BCAS3: variants seen among roughly 807,000 people sequenced by gnomAD.
BCAS3 encodes the protein BCAS3 microtubule associated cell migration factor, also known as BCAS4/BCAS3 fusion.
BCAS3 carries 53 observed loss-of-function variants against 116.1 expected under a neutral mutation model. That is an observed-to-expected ratio of 0.46 (90% CI 0.37 to 0.57). BCAS3 has a LOEUF of 0.57. Ranked by LOEUF, BCAS3 falls within the 20% of genes least tolerant of loss-of-function variation. The pLI is 0.00. For synonymous variants in BCAS3, 391 were observed against 408.2 expected, an observed-to-expected ratio of 0.96 and a Z score of 0.51; for missense variants, 917 against 1,165.4, an observed-to-expected ratio of 0.79 and a Z score of 3.10.
intron 22 of BCAS3, among the ~76,000 whole-genome samples, chr17:61,254,322 A>G (rs1008063929): frequency 1.3e-5 from 2 of 152,206 alleles, no homozygotes; most frequent in African/African-American, 4.8e-5. Context: ...CAACTCTGAC[A>G]TGCACATTTC....
chr17:61,153,792 A>G (rs1332151995), intron 22 of BCAS3, among the ~76,000 whole-genome samples: 1 of 152,178 alleles, frequency 6.6e-6, no homozygotes, highest in Non-Finnish European at 1.5e-5. Context: ...TCAGAACTCA[A>G]CAGCAGTCAT....
At chr17:60,876,404 T>C (rs2055610164) in intron 9 of BCAS3, among the ~76,000 whole-genome samples, 1 of 152,066 alleles carries the variant, frequency 6.6e-6, no homozygotes, top group Non-Finnish European at 1.5e-5. Flanking sequence ...ATCCTATATA[T>C]CTTTCTGGGC....
Position 61,271,424 on chromosome 17 carries a change from A to ATTTTTTTTTTTTTT in BCAS3, c.2426-96890_2426-96889insTTTTTTTTTTTTTT, listed in dbSNP as rs71148400. Among the ~76,000 whole-genome samples, 202 of 70,236 alleles carry ATTTTTTTTTTTTTT rather than the reference A, an allele frequency of 2.9e-3. 82 individuals are homozygous for ATTTTTTTTTTTTTT. Among genetic ancestry groups the ATTTTTTTTTTTTTT allele is most frequent in the African/African-American group, 3.9e-3 (69 of 17,750 alleles). 46.1% of individuals were successfully genotyped at this position (70,236 alleles called of 152,430 possible). A position where few individuals can be genotyped will look rare whatever the true frequency, so the allele number is the denominator to read the frequency against. ...TACAGGTGTAAGCCACCATGCCCGG[A>ATTTTTTTTTTTTTT]TTTTTTTTTTTTTGTCTTAGGTGGA... On this transcript the variant is annotated intron_variant, in intron 22 of 23. Transcript: ENST00000407086.
At chr17:61,175,845 T>C (rs2079100566) in intron 22 of BCAS3, among the ~76,000 whole-genome samples, 2 of 151,978 alleles carry the variant, frequency 1.3e-5, no homozygotes. Context: ...AAAAAATAGG[T>C]AAGTTTGAGA....
chr17:60,923,197 G>A (rs182515429), intron 12 of BCAS3, among the ~76,000 whole-genome samples: 31 of 152,274 alleles, frequency 2.0e-4, no homozygotes, highest in African/African-American at 7.2e-4. Context: ...TGAATTGGAG[G>A]TTCTAGCTAG....
chr17:60,701,400 C>G (rs908655425), intron 4 of BCAS3, among the ~76,000 whole-genome samples: 3 of 151,994 alleles, frequency 2.0e-5, no homozygotes, highest in Non-Finnish European at 2.9e-5. Context: ...TTTACAAATC[C>G]AATGCTTATG....
intron 7 of BCAS3, among the ~76,000 whole-genome samples, chr17:60,824,844 A>G (rs2050245294): frequency 6.6e-6 from 1 of 152,192 alleles, no homozygotes; most frequent in Non-Finnish European, 1.5e-5. Context: ...AGGTGGTCAT[A>G]TACACATGCA....
intron 22 of BCAS3, among the ~76,000 whole-genome samples, chr17:61,247,805 G>A (rs2048090360): frequency 1.3e-5 from 2 of 152,156 alleles, no homozygotes; most frequent in Non-Finnish European, 2.9e-5. Context: ...TCTACCATCA[G>A]GCCCCCGCCT....
In BCAS3 at chr17:61,196,994, G is replaced by C. The variant is rs1171592490; in HGVS notation, c.2425+112430G>C. Among the ~76,000 whole-genome samples, 1 of 152,148 alleles carries C rather than the reference G, an allele frequency of 6.6e-6. No homozygotes were observed. The highest frequency in any genetic ancestry group is 1.5e-5 in the Non-Finnish European group (1 of 68,024). ...CTCACTCCCAGAATTTTATCCAAGG[G>C]ATAGGGTTCATTTTTGTAATTTGAT... On this transcript the variant is annotated intron_variant, in intron 22 of 23. Coordinates refer to ENST00000407086, the MANE Select transcript of BCAS3 (RefSeq NM_017679.5). The surrounding 1 kb of genome is among the most constrained non-coding windows in gnomAD (Gnocchi z 4.7).
At chr17:61,223,659 A>G (rs1423049971) in intron 22 of BCAS3, among the ~76,000 whole-genome samples, 1 of 152,174 alleles carries the variant, frequency 6.6e-6, no homozygotes, top group African/African-American at 2.4e-5. Context: ...ACCTTGAATC[A>G]TTAGAAAGAT....
At chr17:61,001,838 G>A (rs545645776) in intron 15 of BCAS3, among the ~76,000 whole-genome samples, 4 of 152,094 alleles carry the variant, frequency 2.6e-5, no homozygotes, top group South Asian at 4.2e-4. Context: ...TGTTGCTATA[G>A]CACTCTGCTA....
At chr17:60,816,279 CTTT>C (rs537982584) in intron 7 of BCAS3, among the ~76,000 whole-genome samples, 1 of 140,100 alleles carries the variant, frequency 7.1e-6, no homozygotes, top group Non-Finnish European at 1.5e-5. Context: ...TTTTTCTTTT[CTTT>C]TTTTTTTTTT....
intron 22 of BCAS3, among the ~76,000 whole-genome samples, chr17:61,223,370 G>C (rs2082218602): frequency 6.6e-6 from 1 of 152,070 alleles, no homozygotes; most frequent in African/African-American, 2.4e-5. Context: ...TGTTGGTCAG[G>C]CTGGTCTCAA....
intron 6 of BCAS3, among the ~76,000 whole-genome samples, chr17:60,748,287 G>A (rs1411702110): frequency 6.6e-6 from 1 of 152,172 alleles, no homozygotes; most frequent in Admixed American, 6.5e-5. Context: ...TGAGGAGGGT[G>A]GAGGAAACAA....
intron 6 of BCAS3, among the ~76,000 whole-genome samples, chr17:60,795,223 G>A (rs376956968): frequency 6.6e-5 from 10 of 152,064 alleles, no homozygotes; most frequent in East Asian, 3.9e-4. Flanking sequence ...CTTCTTGGTC[G>A]CTGTTGGTGT....
At chr17:60,703,188 T>C (rs1186320387) in intron 4 of BCAS3, among the ~76,000 whole-genome samples, 1 of 151,880 alleles carries the variant, frequency 6.6e-6, no homozygotes, top group East Asian at 2.0e-4. Flanking sequence ...GGCAGGAGAA[T>C]CATTTGAACC....
At chr17:60,723,793 A>T (rs1289360993) in intron 5 of BCAS3, among the ~76,000 whole-genome samples, 1 of 130,480 alleles carries the variant, frequency 7.7e-6, no homozygotes, top group African/African-American at 2.9e-5. Flanking sequence ...ATCTCGGCTC[A>T]TTGCAACCTC....
chr17:61,357,328 G>A (rs1026557953), intron 22 of BCAS3, among the ~76,000 whole-genome samples: 5 of 149,710 alleles, frequency 3.3e-5, no homozygotes, highest in African/African-American at 7.3e-5. Flanking sequence ...CAGCTACTTG[G>A]GAGAGGAGGG....
chr17:60,739,868 GT>G (rs1203592870), intron 5 of BCAS3, among the ~76,000 whole-genome samples: 1 of 146,890 alleles, frequency 6.8e-6, no homozygotes, highest in South Asian at 2.1e-4. Flanking sequence ...AGAGGTTGCT[GT>G]TTTTTTTGTT....
Sources: gnomAD v4.1 joint callset for allele counts (sites outside exome capture counted in the v4.1 genomes callset) on GRCh38, gnomAD v4.1.1 for gene constraint, Gnocchi (gnomAD v3.1) non-coding constraint, MANE v1.5 for transcripts, NCBI Gene and HGNC (gene_info 2026-07-23, HGNC 2026-07-21) for gene names.